Variants in MYO10 observed in about 807,000 individuals in gnomAD.
MYO10 encodes myosin X.
In MYO10, 133 loss-of-function variants were observed where a neutral mutation model predicts 257.3. That is an observed-to-expected ratio of 0.52 (90% confidence interval 0.45 to 0.60). MYO10 has a LOEUF of 0.60. MYO10 is among the 20% of genes least tolerant of loss of function. The pLI is 0.00. For synonymous variants in MYO10, 1,104 were observed against 1,028.6 expected, an observed-to-expected ratio of 1.07 and a Z score of -1.40; for missense variants, 2,399 against 2,635.7, an observed-to-expected ratio of 0.91 and a Z score of 1.97.
At chr5:16,847,952 G>A (rs1743686061) in intron 2 of MYO10, among the ~76,000 whole-genome samples, 1 of 152,126 alleles carries the variant, frequency 6.6e-6, no homozygotes, top group African/African-American at 2.4e-5. Context: ...GTACTCACAT[G>A]CAAGTGATAG....
In MYO10 at chr5:16,704,658, T is replaced by G; in HGVS notation, c.2197A>C (p.Lys733Gln). 1.2e-6 allele frequency: 2 copies of G among 1,613,982 alleles called. No individual in the cohort carries two copies. Among genetic ancestry groups the G allele is most frequent in the Non-Finnish European group, 1.7e-6 (2 of 1,179,890 alleles). ...KVFLRESLEQ[K>Q]LEKRREEEVS... ...TCCTCTTCCCTCCGCTTCTCCAGTT[T>G]CTGTTCCAAGGATTCTCGAAGAAAG... The change falls in exon 22 of 41, where the codon AAA becomes CAA. Residue 733 changes from lysine (K) to glutamine (Q), a missense_variant. By Grantham distance (53) the Lys-to-Gln change is moderately conservative (BLOSUM62 1). This residue lies in a region of MYO10 where 1,820 missense variants were observed against 1,939.4 expected (regional missense o/e 0.94). Coordinates refer to ENST00000513610, the MANE Select transcript of MYO10 (RefSeq NM_012334.3).
At chr5:16,896,217 G>T (rs1401002286) in intron 1 of MYO10, among the ~76,000 whole-genome samples, 2 of 152,204 alleles carry the variant, frequency 1.3e-5, no homozygotes, top group African/African-American at 4.8e-5. Flanking sequence ...CCAGCAGTTT[G>T]GGAGGCAGGG....
chr5:16,882,751 G>A (rs942461248), intron 1 of MYO10, among the ~76,000 whole-genome samples: 3 of 152,112 alleles, frequency 2.0e-5, no homozygotes, highest in African/African-American at 7.2e-5. Context: ...GCTGGGTGCG[G>A]GAGGGACAGT....
rs1736430243 is a variant in MYO10 at position 16,670,984 on chromosome 5, A to C, written c.5431-6T>G. 1.2e-6 allele frequency: 2 copies of C among 1,602,070 alleles called. No homozygotes were observed. The highest frequency in any genetic ancestry group is 2.2e-5 in the South Asian group (2 of 89,928). On this transcript the variant is annotated splice_region_variant and splice_polypyrimidine_tract_variant and intron_variant, in intron 38 of 40. Transcript: ENST00000513610. ...TGGATAACCGCTTCGTGGGCCTGAAAGGAGACAGTCAACAGCTTTCCGGTC... is the reference window on the plus strand; with the variant it reads ...TGGATAACCGCTTCGTGGGCCTGAACGGAGACAGTCAACAGCTTTCCGGTC...
At position 16,763,469 on chromosome 5, in the gene MYO10, A is replaced by G; in HGVS notation, c.1494+12T>C. On this transcript the variant is annotated intron_variant, in intron 14 of 40. Coordinates refer to ENST00000513610, the MANE Select transcript of MYO10 (RefSeq NM_012334.3). ...CCCTTGGGACTGTAACCATTCTTCAAAAATACATTACCTTCTCAATCAAGT... is the reference window on the plus strand; with the variant it reads ...CCCTTGGGACTGTAACCATTCTTCAGAAATACATTACCTTCTCAATCAAGT... The G allele has an allele frequency of 6.2e-7, 1 of 1,604,402 alleles. No homozygotes were observed. Among genetic ancestry groups the G allele is most frequent in the Non-Finnish European group, 8.5e-7 (1 of 1,171,160 alleles).
chr5:16,860,477 G>T (rs1744076551), intron 2 of MYO10, among the ~76,000 whole-genome samples: 2 of 152,164 alleles, frequency 1.3e-5, no homozygotes, highest in South Asian at 4.1e-4. Context: ...ACTGAGAAAT[G>T]GATTCAGGCA....
chr5:16,758,655 G>T (rs901750235), intron 17 of MYO10, among the ~76,000 whole-genome samples: 1 of 152,178 alleles, frequency 6.6e-6, no homozygotes, highest in Non-Finnish European at 1.5e-5. Flanking sequence ...TGAGGCAGGC[G>T]ATGGTTCAAA....
At chr5:16,921,808 ATGATCCTGGCATCTAG>A (rs1471510353) in intron 1 of MYO10, among the ~76,000 whole-genome samples, 1 of 152,110 alleles carries the variant, frequency 6.6e-6, no homozygotes, top group Non-Finnish European at 1.5e-5. Flanking sequence ...AGGTGAGGGT[ATGATCCTGGCATCTAG>A]TGATTCAAGG....
Position 16,766,235 on chromosome 5 carries a change from C to T in MYO10, c.1061-37G>A, listed in dbSNP as rs368741149. The T allele has an allele frequency of 2.0e-5, 30 of 1,521,078 alleles. 1 individual carries two copies. The African/African-American group carries it at 3.3e-4, about 17-fold the overall frequency. 94.2% of individuals were successfully genotyped at this position (1,521,078 alleles called of 1,614,324 possible). A position where few individuals can be genotyped will look rare whatever the true frequency, so the allele number is the denominator to read the frequency against. On this transcript the variant is annotated intron_variant, in intron 10 of 40. Transcript: ENST00000513610. Reference sequence around the variant, plus strand: ...AAGACAAAGGTGAATGAACCCACCGCCCCCAAGAAGCTAACCAGGCTTAGC... The same window carrying T: ...AAGACAAAGGTGAATGAACCCACCGTCCCCAAGAAGCTAACCAGGCTTAGC...
intron 39 of MYO10, among the ~76,000 whole-genome samples, chr5:16,669,195 A>G (rs547247169): frequency 6.7e-6 from 1 of 148,694 alleles, no homozygotes; most frequent in Admixed American, 6.9e-5. Context: ...TGCATCCTCC[A>G]TGCAAAAGCC....
intron 3 of MYO10, among the ~76,000 whole-genome samples, chr5:16,803,425 A>G (rs1742180922): frequency 6.6e-6 from 1 of 152,170 alleles, no homozygotes; most frequent in Non-Finnish European, 1.5e-5. Flanking sequence ...CCCTATCTCA[A>G]AAGAAAAAAA....
chr5:16,880,175 T>C (rs999788436), intron 1 of MYO10, among the ~76,000 whole-genome samples: 12 of 122,898 alleles, frequency 9.8e-5, no homozygotes, highest in African/African-American at 2.8e-4. Context: ...GTAAACTCTA[T>C]CTCAAAAAAT....
chr5:16,870,664 G>A (rs536502778), intron 2 of MYO10, among the ~76,000 whole-genome samples: 15 of 152,090 alleles, frequency 9.9e-5, no homozygotes, highest in South Asian at 4.2e-4. Context: ...TGGCCAAGGC[G>A]GGTGAATCAT....
chr5:16,887,220 C>A (rs1193204640), intron 1 of MYO10, among the ~76,000 whole-genome samples: 1 of 152,090 alleles, frequency 6.6e-6, no homozygotes, highest in African/African-American at 2.4e-5. Flanking sequence ...CAGCTTTCAT[C>A]CAGAGGATAA....
Position 16,877,717 on chromosome 5 carries a change from A to T in MYO10, c.22-10T>A, listed in dbSNP as rs1213908078. On this transcript the variant is annotated splice_polypyrimidine_tract_variant and intron_variant, in intron 1 of 40. Coordinates refer to ENST00000513610, the MANE Select transcript of MYO10 (RefSeq NM_012334.3). ...GCCAGACCCGTGTTCCCTGTAAACAAAACAAACAAGACTGAACTGAGTTTG... is the reference window on the plus strand; with the variant it reads ...GCCAGACCCGTGTTCCCTGTAAACATAACAAACAAGACTGAACTGAGTTTG... 9.3e-6 allele frequency: 15 copies of T among 1,606,088 alleles called. No homozygotes were observed. The highest frequency in any genetic ancestry group is 1.1e-5 in the Non-Finnish European group (13 of 1,173,984).
chr5:16,803,602 C>A (rs1233422171), intron 3 of MYO10, among the ~76,000 whole-genome samples: 1 of 152,050 alleles, frequency 6.6e-6, no homozygotes, highest in Non-Finnish European at 1.5e-5. Context: ...TTGTGGCTGG[C>A]GGTAAATTCA....
At chr5:16,803,370 T>C (rs964952413) in intron 3 of MYO10, among the ~76,000 whole-genome samples, 80 of 152,006 alleles carry the variant, frequency 5.3e-4, no homozygotes, top group African/African-American at 1.6e-3. Context: ...AGAGGTTGCA[T>C]TGAACCAAGA....
At chr5:16,726,962 A>T (rs758481032) in intron 19 of MYO10, among the ~76,000 whole-genome samples, 3 of 152,224 alleles carry the variant, frequency 2.0e-5, no homozygotes, top group Non-Finnish European at 4.4e-5. Flanking sequence ...CTTGCCAGTT[A>T]CAGAAGTTTA....
chr5:16,911,737 A>G (rs1745662296), intron 1 of MYO10, among the ~76,000 whole-genome samples: 1 of 152,036 alleles, frequency 6.6e-6, no homozygotes, highest in Non-Finnish European at 1.5e-5. Flanking sequence ...GTCTTAGACC[A>G]ACAACAACAA....
Sources: gnomAD v4.1 joint callset for allele counts (sites outside exome capture counted in the v4.1 genomes callset) on GRCh38, gnomAD v4.1.1 for gene constraint, gnomAD v4.1.1 regional missense constraint, MANE v1.5 for transcripts, NCBI Gene and HGNC (gene_info 2026-07-23, HGNC 2026-07-21) for gene names.